PDC: variants seen among roughly 807,000 people sequenced by gnomAD.
The protein encoded by PDC is phosducin.
A neutral mutation model predicts 22.2 loss-of-function variants in PDC; 19 were observed. The ratio of observed to expected loss-of-function variants is 0.86; its 90% CI spans 0.60 to 1.26. PDC has a LOEUF of 1.26. Among genes scored for constraint, PDC ranks in the 50% most tolerant of loss-of-function variants. The pLI is 0.00. For missense variants in PDC, 274 were observed against 286.8 expected (o/e 0.96, Z 0.32); for synonymous variants, 97 against 96.2 (o/e 1.01, Z -0.05).
chr1:186,444,079 G>A lies in PDC; in HGVS notation c.641C>T (p.Ala214Val). The A allele has an allele frequency of 1.2e-6, 2 of 1,613,596 alleles. No homozygotes were observed. The highest frequency in any genetic ancestry group is 1.7e-6 in the Non-Finnish European group (2 of 1,179,608). The stretch of plus-strand genomic sequence containing the variant: ...ATTTAGGAAAGACTCCACATCCCCA[G>A]CAAAAAATTCTTCAGCAAACTGTTC... ...VAEQFAEEFF[A>V]GDVESFLNEY... Residue 214 changes from alanine to valine, a missense_variant, in exon 4 of 4, where the codon GCT (alanine) becomes GTT (valine). By Grantham distance (64) the Ala-to-Val change is moderately conservative. Coordinates refer to ENST00000391997, the MANE Select transcript of PDC (RefSeq NM_002597.5).
intron 1 of PDC, among the ~76,000 whole-genome samples, chr1:186,453,530 T>C (rs979397154): frequency 1.3e-5 from 2 of 152,206 alleles, no homozygotes; most frequent in African/African-American, 4.8e-5. Flanking sequence ...AGTTTATTGG[T>C]AGATTTTCAA....
At chr1:186,456,487 T>TA (rs1237601579) in intron 1 of PDC, among the ~76,000 whole-genome samples, 1 of 152,150 alleles carries the variant, frequency 6.6e-6, no homozygotes, top group Non-Finnish European at 1.5e-5. Flanking sequence ...AAGTACAAAG[T>TA]AAAGAAATTA....
chr1:186,448,570 T>G, intron 2 of PDC: 1 of 306,968 alleles, frequency 3.3e-6, no homozygotes, highest in East Asian at 1.7e-4. Context: ...TCTCCTACTT[T>G]CCCTCCATCC....
chr1:186,450,452 C>T (rs575805892), intron 1 of PDC, among the ~76,000 whole-genome samples: 59 of 152,156 alleles, frequency 3.9e-4, no homozygotes, highest in African/African-American at 1.3e-3. Context: ...GACCTTACCA[C>T]GTCAGTCTCC....
chr1:186,446,293 T>C (rs1662225518), intron 3 of PDC, 133 bp downstream of exon 3: 1 of 582,466 alleles, frequency 1.7e-6, no homozygotes, highest in Non-Finnish European at 2.8e-6. Flanking sequence ...TCACTTCATT[T>C]CCATTTTTTT....
intron 1 of PDC, 87 bp downstream of exon 1, chr1:186,460,972 A>T (rs1409669184): frequency 6.5e-6 from 1 of 154,794 alleles, no homozygotes; most frequent in East Asian, 1.9e-4. Flanking sequence ...CATTAACACA[A>T]TAATACATAA....
chr1:186,454,266 G>A (rs1246052578), intron 1 of PDC, among the ~76,000 whole-genome samples: 7 of 143,930 alleles, frequency 4.9e-5, no homozygotes, highest in Admixed American at 4.4e-4. Flanking sequence ...TCTGCCTCCC[G>A]GGTCCCTGTT....
chr1:186,460,942 ATGTAC>A (rs1294978527), intron 1 of PDC, 112 bp downstream of exon 1: 1 of 154,426 alleles, frequency 6.5e-6, no homozygotes, highest in Non-Finnish European at 1.5e-5. Flanking sequence ...TCAAAACCTT[ATGTAC>A]TTTGAACTAT....
At chr1:186,445,070 C>G (rs886533949) in intron 3 of PDC, among the ~76,000 whole-genome samples, 2 of 152,156 alleles carry the variant, frequency 1.3e-5, no homozygotes, top group African/African-American at 4.8e-5. Flanking sequence ...TCTAAGATAG[C>G]TACTTTTCAT....
chr1:186,457,865 C>A (rs1275097293), intron 1 of PDC, among the ~76,000 whole-genome samples: 2 of 152,090 alleles, frequency 1.3e-5, no homozygotes, highest in Non-Finnish European at 2.9e-5. Context: ...TTACTTTATG[C>A]CTGACTTCCC....
chr1:186,447,976 T>A (rs1662271155), intron 2 of PDC, among the ~76,000 whole-genome samples: 1 of 152,184 alleles, frequency 6.6e-6, no homozygotes. Flanking sequence ...TATACACACA[T>A]GAAAAGGTTC....
At chr1:186,454,863 G>C (rs1486455693) in intron 1 of PDC, among the ~76,000 whole-genome samples, 1 of 152,204 alleles carries the variant, frequency 6.6e-6, no homozygotes, top group East Asian at 1.9e-4. Flanking sequence ...CAATTCTACA[G>C]ATTCAGGGAT....
At chr1:186,460,943 T>C (rs1662570220) in intron 1 of PDC, 116 bp downstream of exon 1, 1 of 154,414 alleles carries the variant, frequency 6.5e-6, no homozygotes, top group South Asian at 2.0e-4. Context: ...CAAAACCTTA[T>C]GTACTTTGAA....
At chr1:186,447,872 T>C (rs1244805480) in intron 2 of PDC, among the ~76,000 whole-genome samples, 1 of 152,192 alleles carries the variant, frequency 6.6e-6, no homozygotes, top group Non-Finnish European at 1.5e-5. Context: ...GAGAATCCAT[T>C]TTGTTCGTGT....
chr1:186,459,245 G>A (rs1455061888), intron 1 of PDC, among the ~76,000 whole-genome samples: 3 of 152,084 alleles, frequency 2.0e-5, no homozygotes, highest in African/African-American at 2.4e-5. Flanking sequence ...CTAAGATCCT[G>A]CTTTGCAGAT....
chr1:186,453,675 T>C (rs1204965353), intron 1 of PDC, among the ~76,000 whole-genome samples: 1 of 152,236 alleles, frequency 6.6e-6, no homozygotes, highest in East Asian at 1.9e-4. Context: ...AATTTTTTAC[T>C]TCTTGTTGTA....
chr1:186,454,173 T>TA, intron 1 of PDC, among the ~76,000 whole-genome samples: 1 of 134,246 alleles, frequency 7.4e-6, no homozygotes. Flanking sequence ...TCTTTCTTTT[T>TA]TTTTTTTTTT....
chr1:186,451,554 T>C (rs906859571), intron 1 of PDC: 1 of 152,102 alleles, frequency 6.6e-6, no homozygotes, highest in Admixed American at 6.5e-5. Context: ...TAAGACTGGA[T>C]TGTTAATTTG....
rs1374722710 is a variant in PDC at position 186,443,654 on chromosome 1, A to G, written c.*325T>C. 1 of 199,962 alleles carries G rather than the reference A, an allele frequency of 5.0e-6. No individual in the cohort carries two copies. Among genetic ancestry groups the G allele is most frequent in the African/African-American group, 2.3e-5 (1 of 43,146 alleles). The allele number at this position is 199,962 out of a possible 1,614,324, so 12.4% of individuals were successfully genotyped here. ...ATGAATAATGTAATTTGAAAAGTCC[A>G]AATAATAACAGTGATGAGGGAAAAT... is the stretch of plus-strand genomic sequence containing the variant. On this transcript the variant is annotated 3_prime_UTR_variant, in exon 4 of 4. Transcript: ENST00000391997.
Sources: allele counts gnomAD v4.1 joint callset (sites outside exome capture counted in the v4.1 genomes callset), GRCh38; gene constraint gnomAD v4.1.1; transcripts MANE v1.5; gene names NCBI Gene and HGNC (gene_info 2026-07-23, HGNC 2026-07-21).